CTNNA3: variants seen among roughly 807,000 people sequenced by gnomAD.
The protein encoded by CTNNA3 is catenin alpha-3.
In CTNNA3, 76 loss-of-function variants were observed where a neutral mutation model predicts 95.7. That is an observed-to-expected ratio of 0.79 (90% CI 0.66 to 0.96). The LOEUF is 0.96. Among genes scored for constraint, CTNNA3 ranks in the 40% least tolerant of loss-of-function variants. The probability of loss-of-function intolerance (pLI) is 0.00; values close to 1 mark genes in which losing one functional copy is unlikely to be tolerated. For missense variants in CTNNA3, 1,191 were observed against 1,089.8 expected (o/e 1.09, Z -1.31); for synonymous variants, 431 against 374.4 (o/e 1.15, Z -1.74).
intron 13 of CTNNA3, among the ~76,000 whole-genome samples, chr10:66,111,461 C>T (rs79149051): frequency 0.033 from 5,073 of 152,246 alleles, 274 homozygotes; most frequent in African/African-American, 0.11. Flanking sequence ...TCCATTATAG[C>T]CTTCTTAGGG....
At chr10:67,522,679 C>T (rs1840023224) in intron 4 of CTNNA3, among the ~76,000 whole-genome samples, 1 of 151,018 alleles carries the variant, frequency 6.6e-6, no homozygotes, top group Non-Finnish European at 1.5e-5. Flanking sequence ...AAATCAGATA[C>T]TAGATAAATA....
rs190736817 is a variant in CTNNA3 at position 67,114,358 on chromosome 10, G to A, written c.1047+65959C>T. Reference sequence around the variant, plus strand: ...TTCAATTCTGTTCAAAGAGTAAAATGGAAATGTAAAAACAGAGATGTCTCC... The same window carrying A: ...TTCAATTCTGTTCAAAGAGTAAAATAGAAATGTAAAAACAGAGATGTCTCC... On this transcript the variant is annotated intron_variant, in intron 7 of 17. Coordinates refer to ENST00000433211, the MANE Select transcript of CTNNA3 (RefSeq NM_013266.4). 1.2e-3 allele frequency among the ~76,000 whole-genome samples: 184 copies of A among 151,988 alleles called. 1 individual carries two copies. Among genetic ancestry groups the A allele is most frequent in the Non-Finnish European group, 1.3e-3 (85 of 67,936 alleles).
chr10:66,780,917 C>A (rs1840509187), intron 7 of CTNNA3, among the ~76,000 whole-genome samples: 2 of 152,088 alleles, frequency 1.3e-5, no homozygotes, highest in African/African-American at 4.8e-5. Flanking sequence ...ATGAAAGGGC[C>A]ATGTTCTCTA....
intron 7 of CTNNA3, among the ~76,000 whole-genome samples, chr10:66,990,238 C>G (rs1850969698): frequency 6.6e-6 from 1 of 152,082 alleles, no homozygotes; most frequent in Admixed American, 6.6e-5. Flanking sequence ...CCAATGTGTC[C>G]CATTGTCTCC....
chr10:66,993,746 C>T (rs114328201), intron 7 of CTNNA3, among the ~76,000 whole-genome samples: 2,192 of 148,486 alleles, frequency 0.015, 54 homozygotes, highest in African/African-American at 0.052. Context: ...GCCTGTATTT[C>T]GGATTATGTG....
intron 5 of CTNNA3, among the ~76,000 whole-genome samples, chr10:67,342,408 T>G (rs1386228935): frequency 1.3e-5 from 2 of 152,044 alleles, no homozygotes; most frequent in Non-Finnish European, 2.9e-5. Flanking sequence ...GGCCTGTTGG[T>G]TGTATCTTTA....
At chr10:66,876,500 A>G (rs1844627267) in intron 7 of CTNNA3, among the ~76,000 whole-genome samples, 1 of 152,170 alleles carries the variant, frequency 6.6e-6, no homozygotes, top group African/African-American at 2.4e-5. Context: ...TAATTCTTTC[A>G]ATAATTCATT....
At chr10:66,623,109 AAC>A (rs1269741825) in intron 9 of CTNNA3, among the ~76,000 whole-genome samples, 4 of 152,096 alleles carry the variant, frequency 2.6e-5, no homozygotes, top group Non-Finnish European at 5.9e-5. Context: ...TGAAAAGGGC[AAC>A]AGTTTCTGTG....
At chr10:67,656,132 C>G (rs1465671404) in intron 1 of CTNNA3, among the ~76,000 whole-genome samples, 1 of 152,138 alleles carries the variant, frequency 6.6e-6, no homozygotes, top group East Asian at 1.9e-4. Flanking sequence ...GTTTCCAGTG[C>G]AATAATTTGC....
chr10:66,966,476 A>C (rs972844174), intron 7 of CTNNA3, among the ~76,000 whole-genome samples: 1 of 98,116 alleles, frequency 1.0e-5, no homozygotes, highest in Non-Finnish European at 2.4e-5. Context: ...TAACTCGGCT[A>C]TGTAATATAT....
intron 1 of CTNNA3, among the ~76,000 whole-genome samples, chr10:67,712,765 C>T (rs899914351): frequency 3.9e-5 from 6 of 152,104 alleles, no homozygotes; most frequent in African/African-American, 1.4e-4. Flanking sequence ...CGTCCTTACA[C>T]CTTATACAAA....
At chr10:67,549,650 C>T (rs1416792718) in intron 3 of CTNNA3, among the ~76,000 whole-genome samples, 1 of 152,168 alleles carries the variant, frequency 6.6e-6, no homozygotes, top group African/African-American at 2.4e-5. Flanking sequence ...CAAGCCAAAT[C>T]CAGCCTGCCC....
chr10:66,442,140 G>A (rs1205326818), intron 11 of CTNNA3, among the ~76,000 whole-genome samples: 1 of 152,054 alleles, frequency 6.6e-6, no homozygotes, highest in African/African-American at 2.4e-5. Context: ...AAAAAATATA[G>A]TATAACTATT....
At chr10:67,576,402 G>A (rs1326364394) in intron 3 of CTNNA3, among the ~76,000 whole-genome samples, 1 of 151,986 alleles carries the variant, frequency 6.6e-6, no homozygotes, top group Non-Finnish European at 1.5e-5. Context: ...AGGCATTATT[G>A]TATAGTTGTT....
At chr10:66,131,441 G>A (rs1324221732) in intron 13 of CTNNA3, among the ~76,000 whole-genome samples, 1 of 152,012 alleles carries the variant, frequency 6.6e-6, no homozygotes, top group East Asian at 1.9e-4. Flanking sequence ...AACTAATGAA[G>A]AAAACATTCC....
At chr10:66,732,177 C>T (rs1848984072) in intron 9 of CTNNA3, among the ~76,000 whole-genome samples, 1 of 152,190 alleles carries the variant, frequency 6.6e-6, no homozygotes, top group Non-Finnish European at 1.5e-5. Flanking sequence ...ACATATCCTA[C>T]AGATTTGAGT....
chr10:66,223,940 T>C (rs1335792699), intron 13 of CTNNA3, among the ~76,000 whole-genome samples: 1 of 152,152 alleles, frequency 6.6e-6, no homozygotes, highest in Non-Finnish European at 1.5e-5. Flanking sequence ...CTCAAGCCTG[T>C]AATCTCAGCA....
intron 12 of CTNNA3, among the ~76,000 whole-genome samples, chr10:66,321,648 T>G (rs1180422990): frequency 1.3e-5 from 2 of 152,144 alleles, no homozygotes; most frequent in Non-Finnish European, 2.9e-5. Context: ...AAGATTTAAA[T>G]TTCAAAATAC....
intron 11 of CTNNA3, among the ~76,000 whole-genome samples, chr10:66,406,634 A>G (rs565488680): frequency 2.6e-5 from 4 of 152,286 alleles, no homozygotes; most frequent in South Asian, 2.1e-4. Flanking sequence ...GATAATTAGT[A>G]TCATTACCTT....
Sources: gnomAD v4.1 joint callset for allele counts (sites outside exome capture counted in the v4.1 genomes callset) on GRCh38, gnomAD v4.1.1 for gene constraint, MANE v1.5 for transcripts, NCBI Gene and HGNC (gene_info 2026-07-23, HGNC 2026-07-21) for gene names.